The following ELP4 variants were observed in gnomAD, a reference collection of about 807,000 sequenced individuals.
ELP4 encodes elongator complex protein 4.
A neutral mutation model predicts 48.9 loss-of-function variants in ELP4; 51 were observed. The ratio of observed to expected loss-of-function variants is 1.04; its 90% CI spans 0.83 to 1.32. ELP4 has a LOEUF of 1.32. Among genes scored for constraint, ELP4 ranks in the 40% most tolerant of loss-of-function variants. ELP4 has a pLI of 0.00. For missense variants in ELP4, 519 were observed against 514.6 expected (o/e 1.01, Z -0.08); for synonymous variants, 210 against 189.2 (o/e 1.11, Z -0.90).
At chr11:31,743,695 C>A (rs1947511785) in intron 9 of ELP4, among the ~76,000 whole-genome samples, 2 of 152,042 alleles carry the variant, frequency 1.3e-5, no homozygotes, top group African/African-American at 4.8e-5. Context: ...TTCTTTGCAA[C>A]CAACGAGAAC....
At chr11:31,720,818 G>T (rs922591820) in intron 9 of ELP4, among the ~76,000 whole-genome samples, 2 of 152,092 alleles carry the variant, frequency 1.3e-5, no homozygotes, top group African/African-American at 2.4e-5. Context: ...AAGCAGATTC[G>T]CACTGCAAGA....
At chr11:31,720,391 G>T (rs1284939402) in intron 9 of ELP4, among the ~76,000 whole-genome samples, 2 of 151,758 alleles carry the variant, frequency 1.3e-5, no homozygotes, top group African/African-American at 2.4e-5. Context: ...TGTCTGCCCA[G>T]TCCCAAGATA....
intron 4 of ELP4, among the ~76,000 whole-genome samples, chr11:31,601,200 A>G (rs981609726): frequency 1.4e-5 from 2 of 144,392 alleles, no homozygotes; most frequent in Admixed American, 1.3e-4. Context: ...GAAATGTCTA[A>G]GTCTTTGTTT....
intron 3 of ELP4, among the ~76,000 whole-genome samples, chr11:31,580,323 C>T (rs980068074): frequency 8.5e-5 from 13 of 152,150 alleles, no homozygotes; most frequent in Admixed American, 6.5e-5. Flanking sequence ...GACTTGATAA[C>T]TTAATACTGT....
chr11:31,600,814 A>G (rs1168682157), intron 4 of ELP4, among the ~76,000 whole-genome samples: 1 of 152,154 alleles, frequency 6.6e-6, no homozygotes, highest in Non-Finnish European at 1.5e-5. Context: ...AAAAGGTCTT[A>G]TTTAGATTTT....
At chr11:31,587,974 T>C (rs1957506322) in intron 3 of ELP4, among the ~76,000 whole-genome samples, 1 of 152,172 alleles carries the variant, frequency 6.6e-6, no homozygotes, top group Admixed American at 6.5e-5. Flanking sequence ...GTCTTTTATT[T>C]TCCTTCCTAT....
At chr11:31,703,068 T>C (rs1946559331) in intron 9 of ELP4, among the ~76,000 whole-genome samples, 1 of 152,170 alleles carries the variant, frequency 6.6e-6, no homozygotes, top group Non-Finnish European at 1.5e-5. Context: ...GGGCTGCATG[T>C]GTGGGTTACA....
At chr11:31,643,992 G>A (rs901059762) in intron 7 of ELP4, among the ~76,000 whole-genome samples, 3 of 151,712 alleles carry the variant, frequency 2.0e-5, no homozygotes, top group East Asian at 3.9e-4. Context: ...TTAATACAAT[G>A]CTATTTGAGA....
intron 4 of ELP4, among the ~76,000 whole-genome samples, chr11:31,603,310 T>A (rs966921599): frequency 1.3e-5 from 2 of 151,904 alleles, no homozygotes; most frequent in Non-Finnish European, 2.9e-5. Flanking sequence ...TTATACTCAG[T>A]GTAATATATT....
chr11:31,730,745 A>C (rs1276779206), intron 9 of ELP4, among the ~76,000 whole-genome samples: 1 of 152,162 alleles, frequency 6.6e-6, no homozygotes, highest in East Asian at 1.9e-4. Context: ...CTCTATCTCA[A>C]GGGGAAAGAG....
chr11:31,759,934 C>A (rs1380363724), intron 9 of ELP4, among the ~76,000 whole-genome samples: 1 of 152,064 alleles, frequency 6.6e-6, no homozygotes, highest in Non-Finnish European at 1.5e-5. Flanking sequence ...AACTCCTGAC[C>A]TCAAGTAATC....
chr11:31,746,392 A>G (rs570536331), intron 9 of ELP4, among the ~76,000 whole-genome samples: 8 of 152,354 alleles, frequency 5.3e-5, no homozygotes, highest in African/African-American at 1.9e-4. Context: ...TACTGGGTAT[A>G]TACCCAAAGG....
intron 5 of ELP4, among the ~76,000 whole-genome samples, chr11:31,607,516 A>G (rs1051489714): frequency 6.6e-6 from 1 of 152,176 alleles, no homozygotes; most frequent in Non-Finnish European, 1.5e-5. Flanking sequence ...GAAGCCTTCT[A>G]TATAAGGGCC....
At chr11:31,598,135 T>C (rs1957709087) in intron 4 of ELP4, among the ~76,000 whole-genome samples, 1 of 151,796 alleles carries the variant, frequency 6.6e-6, no homozygotes, top group Non-Finnish European at 1.5e-5. Flanking sequence ...TTTGTATTTT[T>C]AATAGAGATG....
At chr11:31,515,956 A>G (rs1956104162) in intron 1 of ELP4, among the ~76,000 whole-genome samples, 1 of 152,080 alleles carries the variant, frequency 6.6e-6, no homozygotes, top group Non-Finnish European at 1.5e-5. Context: ...TAAAAATACA[A>G]AAAAATTTGC....
intron 2 of ELP4, among the ~76,000 whole-genome samples, chr11:31,521,558 A>T (rs887642908): frequency 3.3e-5 from 5 of 152,114 alleles, no homozygotes; most frequent in African/African-American, 1.2e-4. Context: ...TGCAGTTTCA[A>T]GTAGTAAAGT....
intron 9 of ELP4, among the ~76,000 whole-genome samples, chr11:31,760,452 C>G (rs868854515): frequency 3.9e-5 from 6 of 152,156 alleles, no homozygotes; most frequent in South Asian, 2.1e-4. Flanking sequence ...CTGATTTTAT[C>G]TTTCTTGCTT....
intron 9 of ELP4, among the ~76,000 whole-genome samples, chr11:31,671,503 CATT>C (rs1190649663): frequency 2.6e-5 from 4 of 152,220 alleles, no homozygotes; most frequent in African/African-American, 9.6e-5. Context: ...AGATTTAAGA[CATT>C]ATAGATAAAT....
intron 3 of ELP4, among the ~76,000 whole-genome samples, chr11:31,551,249 GT>G (rs931701760): frequency 6.6e-6 from 1 of 152,134 alleles, no homozygotes; most frequent in African/African-American, 2.4e-5. Context: ...ACAAGATGAG[GT>G]TTTTTCCCTG....
Sources: gnomAD v4.1 joint callset for allele counts (sites outside exome capture counted in the v4.1 genomes callset) on GRCh38, gnomAD v4.1.1 for gene constraint, MANE v1.5 for transcripts, NCBI Gene and HGNC (gene_info 2026-07-23, HGNC 2026-07-21) for gene names.